The following RANBP10 variants were observed in gnomAD, a reference collection of about 807,000 sequenced individuals.
RANBP10 encodes the protein RAN binding protein 10, also known as ran-binding protein 10.
Under a neutral mutation model 72.8 loss-of-function variants are expected in RANBP10, and 24 were observed. The ratio of observed to expected loss-of-function variants is 0.33; its 90% CI spans 0.24 to 0.46. The LOEUF (loss-of-function observed/expected upper bound fraction) is 0.46, where lower values mean the gene tolerates loss of function less well. Ranked by LOEUF, RANBP10 falls within the 20% of genes least tolerant of loss-of-function variation. The probability of loss-of-function intolerance (pLI) is 1.00; values close to 1 mark genes in which losing one functional copy is unlikely to be tolerated. For synonymous variants in RANBP10, 310 were observed against 322.3 expected, an observed-to-expected ratio of 0.96 and a Z score of 0.41; for missense variants, 679 against 817.5, an observed-to-expected ratio of 0.83 and a Z score of 2.07.
At chr16:67,767,888 G>A (rs899642993) in intron 3 of RANBP10, among the ~76,000 whole-genome samples, 9 of 151,894 alleles carry the variant, frequency 5.9e-5, no homozygotes, top group African/African-American at 1.5e-4. Flanking sequence ...GAGCCACCGC[G>A]CCCTGCCTCT....
rs369126694 is a variant in RANBP10, at chr16:67,726,231, G to GGA, written c.*195_*196dup. The stretch of plus-strand genomic sequence containing the variant: ...TGTTACAGGCCGCTGCACGTGAAGG[G>GGA]GAGAGAGAGAGAGACTGAGCGGGGT... On this transcript the variant is annotated 3_prime_UTR_variant, in exon 14 of 14. Coordinates refer to ENST00000317506, the MANE Select transcript of RANBP10 (RefSeq NM_020850.3). 57 of 701,030 alleles carry GGA rather than the reference G, an allele frequency of 8.1e-5. No homozygotes were observed. The highest frequency in any genetic ancestry group is 1.1e-4 in the Non-Finnish European group (46 of 436,650). The allele number at this position is 701,030 out of a possible 1,614,324, so 43.4% of individuals were successfully genotyped here.
intron 3 of RANBP10, among the ~76,000 whole-genome samples, chr16:67,771,054 G>A (rs1438378617): frequency 1.3e-5 from 2 of 152,190 alleles, no homozygotes; most frequent in Non-Finnish European, 2.9e-5. Flanking sequence ...CTTGAGCCCA[G>A]GAGTTCAAGA....
At chr16:67,783,879 T>C (rs1195055825) in intron 2 of RANBP10, among the ~76,000 whole-genome samples, 2 of 151,692 alleles carry the variant, frequency 1.3e-5, no homozygotes, top group East Asian at 1.9e-4. Flanking sequence ...CCATCTCTAC[T>C]AAAAATACAA....
intron 4 of RANBP10, among the ~76,000 whole-genome samples, chr16:67,741,348 C>T (rs1374656083): frequency 6.6e-6 from 1 of 152,180 alleles, no homozygotes; most frequent in Non-Finnish European, 1.5e-5. Flanking sequence ...AGACGCTACT[C>T]CACCCACTAC....
chr16:67,751,302 T>C (rs1345137312), intron 3 of RANBP10, among the ~76,000 whole-genome samples: 1 of 152,210 alleles, frequency 6.6e-6, no homozygotes, highest in Non-Finnish European at 1.5e-5. Flanking sequence ...TTAAACACTT[T>C]TCTTTAAAAA....
chr16:67,780,499 G>A (rs889412464), intron 2 of RANBP10, among the ~76,000 whole-genome samples: 2 of 152,152 alleles, frequency 1.3e-5, no homozygotes, highest in African/African-American at 4.8e-5. Context: ...TATAATCCCA[G>A]CTACTTGGGA....
intron 3 of RANBP10, among the ~76,000 whole-genome samples, chr16:67,757,656 G>A (rs1169073774): frequency 2.0e-5 from 3 of 152,156 alleles, no homozygotes; most frequent in Non-Finnish European, 2.9e-5. Context: ...CAGGACCCAC[G>A]GCCTGGAGCA....
chr16:67,750,957 G>A (rs892593254), intron 3 of RANBP10, among the ~76,000 whole-genome samples: 5 of 151,860 alleles, frequency 3.3e-5, no homozygotes, highest in South Asian at 4.1e-4. Flanking sequence ...TAGTAGAGAC[G>A]GGGTTTCACT....
At chr16:67,782,261 C>A (rs956275298) in intron 2 of RANBP10, among the ~76,000 whole-genome samples, 4 of 148,954 alleles carry the variant, frequency 2.7e-5, no homozygotes, top group Non-Finnish European at 6.0e-5. Flanking sequence ...CACATCAGCC[C>A]CCTGAATAGC....
chr16:67,723,368 C>G lies in RANBP10; in HGVS notation c.*3060G>C, dbSNP rs530308099. On this transcript the variant is annotated 3_prime_UTR_variant, in exon 14 of 14. Transcript: ENST00000317506. ...CACAATCTGGCCACAGGTCTGGGTG[C>G]ATGAGACTGGCAGTCTAGTAGGGCT... The G allele has an allele frequency of 6.5e-6, 1 of 152,706 alleles. No homozygotes were observed. Among genetic ancestry groups the G allele is most frequent in the Admixed American group, 6.5e-5 (1 of 15,286 alleles). The allele number at this position is 152,706 out of a possible 1,614,324, so 9.5% of individuals were successfully genotyped here.
chr16:67,800,107 C>T (rs536890459), intron 2 of RANBP10, among the ~76,000 whole-genome samples: 2 of 151,390 alleles, frequency 1.3e-5, no homozygotes, highest in African/African-American at 4.9e-5. Context: ...GGCAACAGAG[C>T]GAGACTCTGT....
In RANBP10 at chr16:67,729,896, AG is replaced by A; in HGVS notation, c.998+41del. 1 of 1,613,308 alleles carries A rather than the reference AG, an allele frequency of 6.2e-7. No individual in the cohort carries two copies. The highest frequency in any genetic ancestry group is 8.5e-7 in the Non-Finnish European group (1 of 1,179,754). On this transcript the variant is annotated intron_variant, in intron 8 of 13. Transcript: ENST00000317506. This position sits in a 1 kb window ranked among gnomAD's most constrained non-coding sequence, Gnocchi z 7.1. ...GTTGACGTTCCCACCACCAGCTGAGAGGGGCTGGACTCTGGGGGAGCTGGGG... is the reference window on the plus strand; with the variant it reads ...GTTGACGTTCCCACCACCAGCTGAGAGGGCTGGACTCTGGGGGAGCTGGGG...
chr16:67,748,357 C>G (rs1396271920), intron 3 of RANBP10, among the ~76,000 whole-genome samples: 1 of 150,728 alleles, frequency 6.6e-6, no homozygotes, highest in African/African-American at 2.4e-5. Context: ...CTGTCTCTAC[C>G]AAAAATACAA....
intron 3 of RANBP10, among the ~76,000 whole-genome samples, chr16:67,761,622 T>C (rs2054396070): frequency 6.6e-6 from 1 of 152,178 alleles, no homozygotes; most frequent in African/African-American, 2.4e-5. Flanking sequence ...CAGGCTGGAG[T>C]GCAGTGGCAC....
intron 6 of RANBP10, among the ~76,000 whole-genome samples, chr16:67,734,635 A>G (rs1251772171): frequency 6.6e-6 from 1 of 152,204 alleles, no homozygotes; most frequent in Non-Finnish European, 1.5e-5. Flanking sequence ...AATATGGCTG[A>G]GAGGCAAAGG....
In RANBP10 at chr16:67,729,286, T is replaced by A; in HGVS notation, c.1346A>T (p.Glu449Val). ...SQHHSSTSNQ[E>V]TSDSEMEMEA... ...AGCAGAGCAAGGCAGGCACCTGGTC[T>A]CCTGGTTACTGGTACTGCTGTGGTG... is the stretch of plus-strand genomic sequence containing the variant. The change falls in exon 10 of 14, where the codon GAG (glutamate) becomes GTG (valine). Residue 449 changes from glutamate (E) to valine (V), a missense_variant. Transcript: ENST00000317506. This position sits in a 1 kb window ranked among gnomAD's most constrained non-coding sequence, Gnocchi z 7.1. 6.2e-7 allele frequency: 1 copy of A among 1,612,274 alleles called. No individual in the cohort carries two copies. Among genetic ancestry groups the A allele is most frequent in the Non-Finnish European group, 8.5e-7 (1 of 1,179,782 alleles).
intron 2 of RANBP10, among the ~76,000 whole-genome samples, chr16:67,775,254 T>A (rs1302152329): frequency 1.3e-5 from 2 of 152,002 alleles, no homozygotes; most frequent in Non-Finnish European, 2.9e-5. Flanking sequence ...GAGGTTGCAG[T>A]GAGCCAAGAT....
rs1316674548 is a variant in RANBP10 at position 67,794,939 on chromosome 16, AAAAAAAC to A, written c.347+10482_347+10488del. Among the ~76,000 whole-genome samples, 4 of 148,856 alleles carry A rather than the reference AAAAAAAC, an allele frequency of 2.7e-5. No individual in the cohort carries two copies. In the East Asian group the frequency reaches 5.9e-4, roughly 22 times the overall value. Reference sequence around the variant, plus strand: ...AGACCCTGCCTCAAATTAAAAAAAAAAAAAAACAAAAAAAAAAAACAGCAACAAAAAA... The same window carrying A: ...AGACCCTGCCTCAAATTAAAAAAAAAAAAAAAAAAAAACAGCAACAAAAAA... On this transcript the variant is annotated intron_variant, in intron 2 of 13. Transcript: ENST00000317506.
chr16:67,730,450 AGGCCTCACAG>A lies in RANBP10; in HGVS notation c.890-414_890-405del, dbSNP rs1482245665. Among the ~76,000 whole-genome samples the A allele has an allele frequency of 6.6e-6, 1 of 152,068 alleles. No individual in the cohort carries two copies. Among genetic ancestry groups the A allele is most frequent in the East Asian group, 1.9e-4 (1 of 5,176 alleles). ...TCTTCAGACAGACTCCTCTCCTTCC[AGGCCTCACAG>A]GGGAATGGCAATGGAATCACACTGG... On this transcript the variant is annotated intron_variant, in intron 7 of 13. Transcript: ENST00000317506. The surrounding 1 kb of genome is among the most constrained non-coding windows in gnomAD (Gnocchi z 4.3).
Sources: gnomAD v4.1 joint callset for allele counts (sites outside exome capture counted in the v4.1 genomes callset) on GRCh38, gnomAD v4.1.1 for gene constraint, Gnocchi (gnomAD v3.1) non-coding constraint, MANE v1.5 for transcripts, NCBI Gene and HGNC (gene_info 2026-07-23, HGNC 2026-07-21) for gene names.